The following CCDC18 variants were observed in gnomAD, a reference collection of about 807,000 sequenced individuals.
The protein encoded by CCDC18 is coiled-coil domain-containing protein 18.
Under a neutral mutation model 196.0 loss-of-function variants are expected in CCDC18, and 157 were observed. That is an observed-to-expected ratio of 0.80 (90% CI 0.70 to 0.91). The LOEUF (loss-of-function observed/expected upper bound fraction) is 0.91, where lower values mean the gene tolerates loss of function less well. Ranked by LOEUF, CCDC18 falls within the 40% of genes least tolerant of loss-of-function variation. The pLI is 0.00. For synonymous variants in CCDC18, 482 were observed against 529.2 expected, an observed-to-expected ratio of 0.91 and a Z score of 1.22; for missense variants, 1,465 against 1,611.6, an observed-to-expected ratio of 0.91 and a Z score of 1.56.
At chr1:93,257,367 A>G (rs1663153685) in intron 25 of CCDC18, among the ~76,000 whole-genome samples, 1 of 151,980 alleles carries the variant, frequency 6.6e-6, no homozygotes, top group South Asian at 2.1e-4. Context: ...GCTTTTAAAA[A>G]GCAAAAATAC....
intron 27 of CCDC18, among the ~76,000 whole-genome samples, chr1:93,269,974 G>C (rs1420717576): frequency 6.6e-6 from 1 of 152,092 alleles, no homozygotes; most frequent in Non-Finnish European, 1.5e-5. Flanking sequence ...GGGTCTTTTT[G>C]TGTCTATATG....
intron 11 of CCDC18, among the ~76,000 whole-genome samples, chr1:93,213,409 C>CT (rs75496996): frequency 3.9e-4 from 58 of 147,106 alleles, no homozygotes; most frequent in African/African-American, 1.1e-3. Flanking sequence ...AATTTTCTCT[C>CT]TTTTTTTTTT....
At chr1:93,258,606 A>G in intron 25 of CCDC18, 142 bp from the exon 26 acceptor site, 2 of 548,072 alleles carry the variant, frequency 3.6e-6, no homozygotes, top group Non-Finnish European at 5.9e-6. Flanking sequence ...ATTTTAAAGC[A>G]TACTATTTAG....
chr1:93,209,516 A>C (rs1291830564), intron 9 of CCDC18, among the ~76,000 whole-genome samples: 2 of 152,230 alleles, frequency 1.3e-5, no homozygotes, highest in Non-Finnish European at 2.9e-5. Context: ...AACCAAAAAA[A>C]TCTCAGAAAT....
intron 9 of CCDC18, 58 bp downstream of exon 9, chr1:93,207,456 AGACT>A: frequency 7.7e-7 from 1 of 1,300,292 alleles, no homozygotes; most frequent in Non-Finnish European, 1.1e-6. Flanking sequence ...GTTTTAGAAA[AGACT>A]ATCATTTTGT....
At chr1:93,261,646 A>ACAT (rs1369002381) in intron 26 of CCDC18, among the ~76,000 whole-genome samples, 1 of 152,110 alleles carries the variant, frequency 6.6e-6, no homozygotes, top group Non-Finnish European at 1.5e-5. Context: ...CCCCCAAGCC[A>ACAT]CATCAATCAC....
chr1:93,192,140 T>C (rs1291584390), intron 5 of CCDC18, 34 bp downstream of exon 5: 1 of 1,342,420 alleles, frequency 7.4e-7, no homozygotes, highest in Non-Finnish European at 1.1e-6. Context: ...CAAAGTTTTA[T>C]TTTCTACTTA....
At chr1:93,189,528 T>C (rs1019519528) in intron 4 of CCDC18, among the ~76,000 whole-genome samples, 2 of 152,224 alleles carry the variant, frequency 1.3e-5, no homozygotes, top group African/African-American at 4.8e-5. Flanking sequence ...GTATTTTTAG[T>C]TTTTTGAGGA....
intron 1 of CCDC18, 30 bp downstream of exon 1, chr1:93,180,882 G>T (rs886442411): frequency 3.0e-5 from 41 of 1,365,572 alleles, no homozygotes; most frequent in Non-Finnish European, 3.9e-5. Context: ...CGATTTGGGT[G>T]GTGAGCGACT....
chr1:93,227,437 G>A (rs1427554309), intron 17 of CCDC18, among the ~76,000 whole-genome samples: 2 of 151,690 alleles, frequency 1.3e-5, no homozygotes, highest in Non-Finnish European at 2.9e-5. Flanking sequence ...CAAAGTGTTG[G>A]GATTACAGGC....
intron 27 of CCDC18, 79 bp downstream of exon 27, chr1:93,264,980 A>G (rs1184156415): frequency 1.0e-6 from 1 of 967,674 alleles, no homozygotes; most frequent in African/African-American, 1.6e-5. Flanking sequence ...TTAGTAGTTT[A>G]TAGAGGACTA....
chr1:93,255,576 A>G (rs1235273223), intron 24 of CCDC18, among the ~76,000 whole-genome samples: 1 of 152,104 alleles, frequency 6.6e-6, no homozygotes, highest in Non-Finnish European at 1.5e-5. Context: ...CTCTACAAAA[A>G]CATTAAAAAA....
At chr1:93,219,600 C>A (rs1657082866) in intron 14 of CCDC18, among the ~76,000 whole-genome samples, 1 of 152,216 alleles carries the variant, frequency 6.6e-6, no homozygotes, top group African/African-American at 2.4e-5. Flanking sequence ...CAGAGCTGGA[C>A]ATAGTGGGAC....
intron 10 of CCDC18, 96 bp from the exon 11 acceptor site, chr1:93,212,005 A>AT: frequency 9.3e-7 from 1 of 1,079,282 alleles, no homozygotes; most frequent in Non-Finnish European, 1.4e-6. Context: ...TAGAATTCTA[A>AT]TTTTTTAAAT....
At chr1:93,195,651 T>G (rs1330927344) in intron 6 of CCDC18, among the ~76,000 whole-genome samples, 1 of 151,944 alleles carries the variant, frequency 6.6e-6, no homozygotes, top group African/African-American at 2.4e-5. Flanking sequence ...ACAGAGGGAG[T>G]TTGTTCCTTT....
rs1442661193 is a variant in CCDC18 at position 93,226,462 on chromosome 1, T to A, written c.2292+13T>A. ...GAAATCTGAAGAGGTAAATTAACATTTACTTTATATATAGCATATATTTCA... is the reference window on the plus strand; with the variant it reads ...GAAATCTGAAGAGGTAAATTAACATATACTTTATATATAGCATATATTTCA... On this transcript the variant is annotated intron_variant, in intron 17 of 28. Transcript: ENST00000690025. The A allele has an allele frequency of 6.2e-6, 7 of 1,123,154 alleles. No homozygotes were observed. Among genetic ancestry groups the A allele is most frequent in the Non-Finnish European group, 9.5e-6 (7 of 738,566 alleles). 69.6% of individuals were successfully genotyped at this position (1,123,154 alleles called of 1,614,324 possible).
chr1:93,268,352 CTAGGCATGGGCA>C (rs1292523038), intron 27 of CCDC18, among the ~76,000 whole-genome samples: 2 of 151,754 alleles, frequency 1.3e-5, no homozygotes, highest in Non-Finnish European at 2.9e-5. Context: ...ATACCATTGC[CTAGGCATGGGCA>C]TAGGCATGGG....
intron 28 of CCDC18, among the ~76,000 whole-genome samples, chr1:93,276,235 C>T (rs1300629643): frequency 6.6e-6 from 1 of 152,170 alleles, no homozygotes; most frequent in Admixed American, 6.5e-5. Context: ...TACTATTTTC[C>T]TAATGGTTAA....
At chr1:93,203,968 T>C (rs1435103855) in intron 7 of CCDC18, among the ~76,000 whole-genome samples, 2 of 151,374 alleles carry the variant, frequency 1.3e-5, no homozygotes, top group African/African-American at 2.4e-5. Flanking sequence ...ATGGGAGAAA[T>C]GGAAAGGGAG....
Sources: gnomAD v4.1 joint callset for allele counts (sites outside exome capture counted in the v4.1 genomes callset) on GRCh38, gnomAD v4.1.1 for gene constraint, MANE v1.5 for transcripts, NCBI Gene and HGNC (gene_info 2026-07-23, HGNC 2026-07-21) for gene names.